Variants in GYG2 observed in about 807,000 individuals in gnomAD.
GYG2 encodes the protein glycogenin-2.
GYG2 carries 29 observed loss-of-function variants against 29.4 expected under a neutral mutation model. The ratio of observed to expected loss-of-function variants is 0.99; its 90% CI spans 0.74 to 1.35. The LOEUF is 1.35. Among genes scored for constraint, GYG2 ranks in the 40% most tolerant of loss-of-function variants. The pLI is 0.00. For synonymous variants in GYG2, 167 were observed against 172.3 expected (o/e 0.97, Z 0.24); for missense variants, 370 against 385.7 (o/e 0.96, Z 0.34).
chrX:2,841,004 TATAGATAG>T (rs10616333), intron 2 of GYG2, among the ~76,000 whole-genome samples: 1,955 of 106,017 alleles, frequency 0.018, 24 homozygotes, highest in Non-Finnish European at 0.028. Flanking sequence ...GAATAGATGA[TATAGATAG>T]ATAGATAGAA....
intron 4 of GYG2, among the ~76,000 whole-genome samples, 193 bp from the exon 5 acceptor site, chrX:2,854,800 C>A (rs1230826924): frequency 4.5e-5 from 5 of 111,686 alleles, no homozygotes; most frequent in Middle Eastern, 4.2e-3. Flanking sequence ...GGCATGGTAA[C>A]AGGTGCCTGT....
At chrX:2,858,622 T>C (rs2088081373) in intron 6 of GYG2, among the ~76,000 whole-genome samples, 2 of 111,941 alleles carry the variant, frequency 1.8e-5, no homozygotes, top group South Asian at 3.7e-4. Flanking sequence ...GAATGAATAA[T>C]TCTAGAGTCT....
chrX:2,845,017 GTGTA>G (rs1268570331), intron 3 of GYG2, among the ~76,000 whole-genome samples: 1 of 100,487 alleles, frequency 1.0e-5, no homozygotes, highest in African/African-American at 3.6e-5. Context: ...ATATACACAT[GTGTA>G]TGTATATTTA....
rs2088171247 is a variant in GYG2, at chrX:2,861,653, G to A, written c.969G>A (p.Gln323=). The change falls in exon 8 of 11, where the codon CAG becomes CAA. Residue 323 remains glutamine, a synonymous_variant. Transcript: ENST00000398806. ...NSPLGSNQPA[Q]GLPEPTQIVD... ...CACTGGGTTCTAACCAGCCTGCTCAGGGCCTTCCGGAGCCGACCCAGATAG... is the reference window on the plus strand; with the variant it reads ...CACTGGGTTCTAACCAGCCTGCTCAAGGCCTTCCGGAGCCGACCCAGATAG... 2 of 1,204,973 alleles carry A rather than the reference G, an allele frequency of 1.7e-6. No individual in the cohort carries two copies. Among genetic ancestry groups the A allele is most frequent in the South Asian group, 3.6e-5 (2 of 55,946 alleles).
intron 10 of GYG2, chrX:2,877,921 T>C: frequency 1.3e-6 from 1 of 747,673 alleles, no homozygotes; most frequent in Non-Finnish European, 1.6e-6. Context: ...TGAAAGTTGG[T>C]ATTGAACGCA....
intron 8 of GYG2, among the ~76,000 whole-genome samples, chrX:2,867,374 G>C (rs2088323013): frequency 9.0e-6 from 1 of 111,258 alleles, no homozygotes; most frequent in Non-Finnish European, 1.9e-5. Flanking sequence ...CACAGAGGGG[G>C]CGGCAAGGGA....
At chrX:2,845,974 TA>T (rs1271578643) in intron 3 of GYG2, among the ~76,000 whole-genome samples, 136 of 84,193 alleles carry the variant, frequency 1.6e-3, no homozygotes, top group African/African-American at 4.2e-3. Flanking sequence ...GATTTAAATT[TA>T]AAAAAATATA....
chrX:2,880,908 A>C (rs954394312), intron 10 of GYG2, 144 bp from the exon 11 acceptor site: 24 of 514,912 alleles, frequency 4.7e-5, no homozygotes, highest in Non-Finnish European at 7.4e-5. Context: ...GTCTCATTAA[A>C]AACAAAGTGC....
intron 1 of GYG2, among the ~76,000 whole-genome samples, chrX:2,829,525 G>T (rs1225464288): frequency 1.0e-5 from 1 of 97,140 alleles, no homozygotes; most frequent in East Asian, 3.3e-4. Context: ...GAGGAGGGGC[G>T]GCGAGAGGCG....
At chrX:2,860,579 A>G (rs1218528599) in intron 7 of GYG2, among the ~76,000 whole-genome samples, 2 of 109,511 alleles carry the variant, frequency 1.8e-5, no homozygotes, top group Non-Finnish European at 3.8e-5. Flanking sequence ...ACCTCTTGCA[A>G]TTAGGACTCA....
chrX:2,832,215 G>A (rs1024040239), intron 2 of GYG2, among the ~76,000 whole-genome samples: 2 of 112,387 alleles, frequency 1.8e-5, no homozygotes, highest in African/African-American at 6.5e-5. Flanking sequence ...ATGGGAAGCG[G>A]CTAACCTTCA....
rs867230068 is a variant in GYG2, at chrX:2,854,991, A to G, written c.325-2A>G. ...CGGGTTCTGCGTGTTTTGCTTCACCAGGTGCTGTCCAATGTCGATGAGCTG... is the reference window on the plus strand; with the variant it reads ...CGGGTTCTGCGTGTTTTGCTTCACCGGGTGCTGTCCAATGTCGATGAGCTG... On this transcript the variant is annotated splice_acceptor_variant, in intron 4 of 10. Coordinates refer to ENST00000398806, the MANE Select transcript of GYG2 (RefSeq NM_001079855.2). LOFTEE classifies it high-confidence loss of function. 8.3e-7 allele frequency: 1 copy of G among 1,206,778 alleles called. No individual in the cohort carries two copies. Among genetic ancestry groups the G allele is most frequent in the African/African-American group, 1.7e-5 (1 of 57,196 alleles).
At chrX:2,837,838 TAC>T (rs10578668) in intron 2 of GYG2, among the ~76,000 whole-genome samples, 16,559 of 99,943 alleles carry the variant, frequency 0.17, 1,375 homozygotes, top group African/African-American at 0.27. Context: ...TGCAATTAAA[TAC>T]ACACACACAC....
chrX:2,854,421 A>G lies in GYG2; in HGVS notation c.324+267A>G, dbSNP rs755598377. 2.7e-5 allele frequency among the ~76,000 whole-genome samples: 3 copies of G among 112,111 alleles called. No homozygotes were observed. The East Asian group carries it at 8.4e-4, about 32-fold the overall frequency. Reference sequence around the variant, plus strand: ...ATTTCTGTACAGACTGGGTTTCGCCATGCTGGCCGGGCTGTCACCTCTTAC... The same window carrying G: ...ATTTCTGTACAGACTGGGTTTCGCCGTGCTGGCCGGGCTGTCACCTCTTAC... On this transcript the variant is annotated intron_variant, in intron 4 of 10. Transcript: ENST00000398806.
chrX:2,857,695 AAC>A (rs778302296), intron 6 of GYG2, among the ~76,000 whole-genome samples: 13 of 110,541 alleles, frequency 1.2e-4, no homozygotes, highest in African/African-American at 3.9e-4. Context: ...CACACACAGA[AAC>A]ACACACACAC....
chrX:2,848,562 T>G, intron 3 of GYG2, among the ~76,000 whole-genome samples: 1 of 104,309 alleles, frequency 9.6e-6, no homozygotes. Context: ...AAAAAAAACC[T>G]GACTATATTA....
chrX:2,879,488 G>T (rs745983579), intron 10 of GYG2, among the ~76,000 whole-genome samples: 21 of 111,138 alleles, frequency 1.9e-4, no homozygotes, highest in Non-Finnish European at 3.4e-4. Flanking sequence ...GGCTGGTCTC[G>T]AACTCCCGAC....
chrX:2,857,556 C>A (rs750361849), intron 6 of GYG2, among the ~76,000 whole-genome samples: 1 of 110,550 alleles, frequency 9.0e-6, no homozygotes, highest in African/African-American at 3.3e-5. Flanking sequence ...AGATCTCTCT[C>A]TATATAGATC....
chrX:2,878,325 G>T (rs1202291675), intron 10 of GYG2: 1 of 260,862 alleles, frequency 3.8e-6, no homozygotes, highest in African/African-American at 3.0e-5. Flanking sequence ...GGGTCTTGCT[G>T]TGTAGCCCAG....
Sources: gnomAD v4.1 joint callset for allele counts (sites outside exome capture counted in the v4.1 genomes callset) on GRCh38, gnomAD v4.1.1 for gene constraint, MANE v1.5 for transcripts, NCBI Gene and HGNC (gene_info 2026-07-23, HGNC 2026-07-21) for gene names.